KDM4B: variants seen among roughly 807,000 people sequenced by gnomAD.
The protein encoded by KDM4B is lysine demethylase 4B.
KDM4B carries 32 observed loss-of-function variants against 125.2 expected under a neutral mutation model. The ratio of observed to expected loss-of-function variants is 0.26; its 90% CI spans 0.19 to 0.34. The LOEUF (loss-of-function observed/expected upper bound fraction) is 0.34, where lower values mean the gene tolerates loss of function less well. Among genes scored for constraint, KDM4B ranks in the 10% least tolerant of loss-of-function variants. The pLI is 1.00. For synonymous variants in KDM4B, 721 were observed against 677.9 expected (o/e 1.06, Z -0.99); for missense variants, 1,190 against 1,577.7 (o/e 0.75, Z 4.16).
chr19:5,030,709 G>A (rs780493280), intron 2 of KDM4B, among the ~76,000 whole-genome samples: 2 of 152,214 alleles, frequency 1.3e-5, no homozygotes, highest in Admixed American at 6.5e-5. Context: ...GCTGTGTGCC[G>A]TGTGGCCTAG....
At chr19:5,043,079 T>A (rs2036872846) in intron 5 of KDM4B, among the ~76,000 whole-genome samples, 1 of 151,320 alleles carries the variant, frequency 6.6e-6, no homozygotes. Context: ...GGTTTTGGAT[T>A]TTTGGAGCGG....
In KDM4B at chr19:5,111,268, A is replaced by G. The variant is rs932066483; in HGVS notation, c.1115+450A>G. 33 of 677,246 alleles carry G rather than the reference A, an allele frequency of 4.9e-5. No individual in the cohort carries two copies. The East Asian group carries it at 8.3e-4, about 17-fold the overall frequency. 42.0% of individuals were successfully genotyped at this position (677,246 alleles called of 1,614,324 possible). A position where few individuals can be genotyped will look rare whatever the true frequency, so the allele number is the denominator to read the frequency against. On this transcript the variant is annotated intron_variant, in intron 10 of 22. Coordinates refer to ENST00000159111, the MANE Select transcript of KDM4B (RefSeq NM_015015.3). Reference sequence around the variant, plus strand: ...CGCTGAGAGCAGTCGGGTTCCCTGCAAGGACTCAACGGGGCATCAGGTGGG... The same window carrying G: ...CGCTGAGAGCAGTCGGGTTCCCTGCGAGGACTCAACGGGGCATCAGGTGGG...
At chr19:5,027,861 A>G (rs2036330071) in intron 2 of KDM4B, among the ~76,000 whole-genome samples, 1 of 152,128 alleles carries the variant, frequency 6.6e-6, no homozygotes, top group Admixed American at 6.5e-5. Flanking sequence ...TTTTTTTGCT[A>G]AGAGCTTTAT....
intron 5 of KDM4B, among the ~76,000 whole-genome samples, chr19:5,044,072 C>A (rs1248846470): frequency 1.9e-5 from 1 of 51,600 alleles, no homozygotes; most frequent in African/African-American, 8.2e-5. Context: ...CCTTATCCCG[C>A]GTGGTGTTTA....
chr19:5,064,703 G>A (rs755996098), intron 6 of KDM4B, among the ~76,000 whole-genome samples: 30 of 152,222 alleles, frequency 2.0e-4, no homozygotes, highest in Non-Finnish European at 2.5e-4. Context: ...AGAGGTGAGG[G>A]CCACAGAGTC....
intron 1 of KDM4B, among the ~76,000 whole-genome samples, chr19:4,983,975 G>T (rs11880607): frequency 0.098 from 14,952 of 152,208 alleles, 988 homozygotes; most frequent in Admixed American, 0.15. Flanking sequence ...ATTACCACGC[G>T]AAAAGCCCTT....
chr19:5,063,056 C>T (rs1226322467), intron 6 of KDM4B, among the ~76,000 whole-genome samples: 1 of 152,050 alleles, frequency 6.6e-6, no homozygotes, highest in Non-Finnish European at 1.5e-5. Flanking sequence ...TGCAGTGTGA[C>T]GTGTGCTGTG....
In KDM4B at chr19:5,144,121, C is replaced by A; in HGVS notation, c.2705C>A (p.Thr902Asn). 6.2e-7 allele frequency: 1 copy of A among 1,600,140 alleles called. No individual in the cohort carries two copies. The highest frequency in any genetic ancestry group is 1.1e-5 in the South Asian group (1 of 90,832). ...PDDWPYVVSI[T>N]CLKHKSGGHA... ...GACTGGCCCTATGTGGTCTCCATCA[C>A]CTGCCTCAAGCACAAGTCGGGGGGT... is the stretch of plus-strand genomic sequence containing the variant. Residue 902 changes from threonine to asparagine, a missense_variant, in exon 19 of 23, where the codon ACC becomes AAC. This residue lies in a region of KDM4B where 298 missense variants were observed against 439.7 expected (regional missense o/e 0.68). Coordinates refer to ENST00000159111, the MANE Select transcript of KDM4B (RefSeq NM_015015.3).
chr19:4,972,561 C>T (rs528028070), intron 1 of KDM4B, among the ~76,000 whole-genome samples: 1 of 152,320 alleles, frequency 6.6e-6, no homozygotes, highest in East Asian at 1.9e-4. Context: ...TGACCACCAC[C>T]CACCAGATGC....
chr19:4,985,814 C>T (rs1432023267), intron 1 of KDM4B, among the ~76,000 whole-genome samples: 3 of 152,310 alleles, frequency 2.0e-5, no homozygotes, highest in South Asian at 2.1e-4. Context: ...GCCTCAGCAC[C>T]GGTTCCAGGA....
chr19:4,991,897 G>A lies in KDM4B; in HGVS notation c.-109+22667G>A, dbSNP rs7254077. Among the ~76,000 whole-genome samples the A allele has an allele frequency of 4.3e-3, 654 of 152,296 alleles. 8 individuals are homozygous for A. Among genetic ancestry groups the A allele is most frequent in the African/African-American group, 0.015 (620 of 41,552 alleles). ...TGGGTTTTTTCGCTTGCAATCTGTC[G>A]AAGTTGTTGTGTGTATCAGTAGTTA... On this transcript the variant is annotated intron_variant, in intron 1 of 22. Coordinates refer to ENST00000159111, the MANE Select transcript of KDM4B (RefSeq NM_015015.3).
Position 5,072,095 on chromosome 19 carries a change from A to G in KDM4B, c.676+1036A>G, listed in dbSNP as rs370046544. Among the ~76,000 whole-genome samples, 110 of 152,290 alleles carry G rather than the reference A, an allele frequency of 7.2e-4. 3 individuals carry two copies. The South Asian group carries it at 0.022, about 30-fold the overall frequency. On this transcript the variant is annotated intron_variant, in intron 7 of 22. Transcript: ENST00000159111. ...ACAGCTTTTCCAGGAGCTCTCACCCAGCCTCAGTACAGGCTCCCGGGACTG... is the reference window on the plus strand; with the variant it reads ...ACAGCTTTTCCAGGAGCTCTCACCCGGCCTCAGTACAGGCTCCCGGGACTG...
chr19:5,071,440 A>G (rs1347720611), intron 7 of KDM4B, among the ~76,000 whole-genome samples: 1 of 152,228 alleles, frequency 6.6e-6, no homozygotes, highest in African/African-American at 2.4e-5. Context: ...GAGAAAGCCT[A>G]GGAAAGGAGA....
At chr19:5,093,668 C>G (rs550599074) in intron 9 of KDM4B, among the ~76,000 whole-genome samples, 2 of 152,338 alleles carry the variant, frequency 1.3e-5, no homozygotes, top group South Asian at 4.1e-4. Flanking sequence ...GCCAAGGCAC[C>G]TGCCACCCAC....
chr19:5,119,222 A>C, intron 10 of KDM4B: 1 of 1,525,712 alleles, frequency 6.6e-7, no homozygotes, highest in African/African-American at 1.4e-5. Context: ...GGGCTGTCGT[A>C]AGTGTCTTTT....
chr19:5,145,960 G>T (rs1195012978), intron 21 of KDM4B, among the ~76,000 whole-genome samples: 1 of 152,218 alleles, frequency 6.6e-6, no homozygotes, highest in Non-Finnish European at 1.5e-5. Flanking sequence ...TTAAGGAAAG[G>T]TCCCGCCCGC....
chr19:5,056,077 C>G (rs2037386174), intron 6 of KDM4B, among the ~76,000 whole-genome samples: 1 of 152,198 alleles, frequency 6.6e-6, no homozygotes, highest in Non-Finnish European at 1.5e-5. Context: ...GTTTGATGCC[C>G]TGGACAGTGT....
intron 6 of KDM4B, among the ~76,000 whole-genome samples, chr19:5,051,199 A>G (rs1184331433): frequency 6.6e-6 from 1 of 152,216 alleles, no homozygotes; most frequent in Non-Finnish European, 1.5e-5. Context: ...GCCAGCCCTG[A>G]GAGAGTTGCT....
intron 2 of KDM4B, among the ~76,000 whole-genome samples, chr19:5,021,574 AAAAAT>A (rs1285964527): frequency 6.6e-6 from 1 of 152,274 alleles, no homozygotes; most frequent in Admixed American, 6.5e-5. Flanking sequence ...CCCTGTTTCA[AAAAAT>A]AAAATAAAAA....
Sources: allele counts gnomAD v4.1 joint callset (sites outside exome capture counted in the v4.1 genomes callset), GRCh38; gene constraint gnomAD v4.1.1; regional missense constraint gnomAD v4.1.1; transcripts MANE v1.5; gene names NCBI Gene and HGNC (gene_info 2026-07-23, HGNC 2026-07-21).